Variants in FBXO11 observed in about 807,000 individuals in gnomAD.
FBXO11 encodes F-box only protein 11.
In FBXO11, 13 loss-of-function variants were observed where a neutral mutation model predicts 117.0. The observed-to-expected ratio is 0.11, with a 90% CI of 0.07 to 0.18. The LOEUF is 0.18. Ranked by LOEUF, FBXO11 falls within the 10% of genes least tolerant of loss-of-function variation. The pLI is 1.00. For synonymous variants in FBXO11, 490 were observed against 380.5 expected (o/e 1.29, Z -3.35); for missense variants, 767 against 1,164.4 (o/e 0.66, Z 4.97).
rs183038556 is a variant in FBXO11 at position 47,888,741 on chromosome 2, C to T, written c.232+16748G>A. ...TGATACAGTATCATGTGTTTATACA[C>T]ACCCAAGCACCCAAACCACACACAC... On this transcript the variant is annotated intron_variant, in intron 1 of 22. Coordinates refer to ENST00000403359, the MANE Select transcript of FBXO11 (RefSeq NM_001190274.2). The T allele has an allele frequency of 2.9e-4, 207 of 720,104 alleles. 3 individuals are homozygous for T. In the Admixed American group the frequency reaches 0.012, roughly 42 times the overall value. 44.6% of individuals were successfully genotyped at this position (720,104 alleles called of 1,614,324 possible).
At chr2:47,888,432 G>T (rs1310441194) in intron 1 of FBXO11, among the ~76,000 whole-genome samples, 2 of 152,008 alleles carry the variant, frequency 1.3e-5, no homozygotes, top group Non-Finnish European at 2.9e-5. Flanking sequence ...TCTAAACTAA[G>T]CTGACACCAA....
At chr2:47,854,586 T>C (rs937180632) in intron 1 of FBXO11, among the ~76,000 whole-genome samples, 4 of 152,152 alleles carry the variant, frequency 2.6e-5, no homozygotes, top group African/African-American at 9.7e-5. Context: ...ATTCAATTCT[T>C]TGCCTGCAAA....
intron 1 of FBXO11, among the ~76,000 whole-genome samples, chr2:47,853,106 C>G (rs1572848077): frequency 6.7e-6 from 1 of 150,204 alleles, no homozygotes; most frequent in East Asian, 1.9e-4. Flanking sequence ...GAGTCTTGCT[C>G]TGTCACCCAG....
At chr2:47,876,961 C>G (rs754299407) in intron 1 of FBXO11, among the ~76,000 whole-genome samples, 5 of 151,422 alleles carry the variant, frequency 3.3e-5, no homozygotes, top group African/African-American at 4.9e-5. Context: ...GGGTGAATTC[C>G]TTAATACTAT....
chr2:47,843,213 A>ATGTATATATATTATATT (rs1673145037), intron 1 of FBXO11, among the ~76,000 whole-genome samples: 2 of 152,230 alleles, frequency 1.3e-5, no homozygotes, highest in Non-Finnish European at 2.9e-5. Context: ...GTATATTAAT[A>ATGTATATATATTATATT]ATATGACCAG....
At chr2:47,809,057 T>C (rs1389195431) in intron 21 of FBXO11, 101 bp downstream of exon 21, 11 of 670,152 alleles carry the variant, frequency 1.6e-5, no homozygotes, top group Middle Eastern at 3.4e-4. Flanking sequence ...CAGTTAGTTA[T>C]AGTCTCAACA....
rs1457574995 is a variant in FBXO11 at position 47,809,726 on chromosome 2, A to C, written c.2339-19T>G. 4.0e-6 allele frequency: 6 copies of C among 1,482,752 alleles called. No homozygotes were observed. The highest frequency in any genetic ancestry group is 5.6e-6 in the Non-Finnish European group (6 of 1,062,310). 91.8% of individuals were successfully genotyped at this position (1,482,752 alleles called of 1,614,324 possible). On this transcript the variant is annotated intron_variant, in intron 19 of 22. Coordinates refer to ENST00000403359, the MANE Select transcript of FBXO11 (RefSeq NM_001190274.2). ...TCAATACCTGAAGTAAAATTTACAAACAAGTAGATACATCACTTTATACTG... is the reference window on the plus strand; with the variant it reads ...TCAATACCTGAAGTAAAATTTACAACCAAGTAGATACATCACTTTATACTG...
intron 1 of FBXO11, among the ~76,000 whole-genome samples, chr2:47,866,440 G>GTGTT (rs1675201858): frequency 6.6e-6 from 1 of 151,308 alleles, no homozygotes; most frequent in Admixed American, 6.6e-5. Flanking sequence ...CCAAAATGAT[G>GTGTT]TGTTCTGTTA....
chr2:47,814,056 C>T, intron 16 of FBXO11, 189 bp from the exon 17 acceptor site: 1 of 514,950 alleles, frequency 1.9e-6, no homozygotes, highest in Non-Finnish European at 3.5e-6. Context: ...ACAGAACATA[C>T]TTTACTACAG....
intron 1 of FBXO11, among the ~76,000 whole-genome samples, chr2:47,898,961 T>C (rs914189986): frequency 2.0e-5 from 3 of 151,404 alleles, no homozygotes; most frequent in African/African-American, 7.3e-5. Flanking sequence ...AAAAAAAAAG[T>C]AATAAAATCT....
intron 1 of FBXO11, among the ~76,000 whole-genome samples, chr2:47,842,921 C>T (rs1673121518): frequency 6.6e-6 from 1 of 152,138 alleles, no homozygotes; most frequent in Admixed American, 6.6e-5. Context: ...GCTGGAACTG[C>T]AGATGTGAAC....
chr2:47,878,050 G>T (rs184701033), intron 1 of FBXO11, among the ~76,000 whole-genome samples: 16 of 152,292 alleles, frequency 1.1e-4, no homozygotes, highest in African/African-American at 3.4e-4. Context: ...TCATGGGCAG[G>T]TAGGCCCAGC....
At chr2:47,830,091 G>C (rs894466123) in intron 11 of FBXO11, among the ~76,000 whole-genome samples, 1 of 151,968 alleles carries the variant, frequency 6.6e-6, no homozygotes, top group Non-Finnish European at 1.5e-5. Flanking sequence ...TAACCAGAAA[G>C]ATAGCTAAGT....
chr2:47,877,526 A>G (rs1351271869), intron 1 of FBXO11, among the ~76,000 whole-genome samples: 1 of 152,004 alleles, frequency 6.6e-6, no homozygotes, highest in African/African-American at 2.4e-5. Flanking sequence ...TTTTAGGTTT[A>G]GTTTTTCTTC....
At chr2:47,822,909 T>C (rs557938415) in intron 12 of FBXO11, among the ~76,000 whole-genome samples, 7 of 152,284 alleles carry the variant, frequency 4.6e-5, no homozygotes, top group Non-Finnish European at 8.8e-5. Flanking sequence ...ATTTGCAATT[T>C]TTCATAATAT....
intron 1 of FBXO11, among the ~76,000 whole-genome samples, chr2:47,870,388 C>T (rs1023723533): frequency 6.6e-6 from 1 of 152,050 alleles, no homozygotes; most frequent in Non-Finnish European, 1.5e-5. Context: ...TACCTGTGAA[C>T]GTGGCCATAT....
At chr2:47,882,679 C>T (rs954571228) in intron 1 of FBXO11, among the ~76,000 whole-genome samples, 1 of 152,148 alleles carries the variant, frequency 6.6e-6, no homozygotes, top group South Asian at 2.1e-4. Context: ...GAGACAGGGT[C>T]TCCCCTCTGT....
At chr2:47,835,606 T>G (rs1198426993) in intron 5 of FBXO11, among the ~76,000 whole-genome samples, 2 of 152,132 alleles carry the variant, frequency 1.3e-5, no homozygotes, top group Admixed American at 1.3e-4. Context: ...CAAGTGATTC[T>G]CCTGCCTTAG....
At chr2:47,895,150 T>C (rs921013128) in intron 1 of FBXO11, among the ~76,000 whole-genome samples, 12 of 152,056 alleles carry the variant, frequency 7.9e-5, no homozygotes, top group African/African-American at 2.9e-4. Flanking sequence ...ATGTGGCAAA[T>C]GTGTAAGAAT....
Sources: allele counts gnomAD v4.1 joint callset (sites outside exome capture counted in the v4.1 genomes callset), GRCh38; gene constraint gnomAD v4.1.1; transcripts MANE v1.5; gene names NCBI Gene and HGNC (gene_info 2026-07-23, HGNC 2026-07-21).